ZNF587B: variants seen among roughly 807,000 people sequenced by gnomAD.
The protein encoded by ZNF587B is zinc finger protein 587B.
ZNF587B carries 6 observed loss-of-function variants against 7.2 expected under a neutral mutation model. The observed-to-expected ratio is 0.83, with a 90% CI of 0.46 to 1.65. The LOEUF is 1.65. Ranked by LOEUF, ZNF587B falls within the 40% of genes most tolerant of loss-of-function variation. The probability of loss-of-function intolerance (pLI) is 0.01; values close to 1 mark genes in which losing one functional copy is unlikely to be tolerated. For synonymous variants in ZNF587B, 274 were observed against 254.3 expected, an observed-to-expected ratio of 1.08 and a Z score of -0.74; for missense variants, 749 against 761.0, an observed-to-expected ratio of 0.98 and a Z score of 0.19.
At chr19:57,838,861 T>C (rs1988732425) in intron 1 of ZNF587B, among the ~76,000 whole-genome samples, 162 bp from the exon 2 acceptor site, 1 of 152,184 alleles carries the variant, frequency 6.6e-6, no homozygotes, top group African/African-American at 2.4e-5. Context: ...TTTGTTCAAC[T>C]AACTATTGTT....
At chr19:57,837,964 C>G (rs1302393363) in intron 1 of ZNF587B, among the ~76,000 whole-genome samples, 1 of 152,004 alleles carries the variant, frequency 6.6e-6, no homozygotes, top group Non-Finnish European at 1.5e-5. Flanking sequence ...AAATGTAACC[C>G]TAGGGGGAGA....
At position 57,843,433 on chromosome 19, in the gene ZNF587B, T is replaced by A; in HGVS notation, c.*857T>A. ...TTGCTAGACTTATGTGACTGCCACT[T>A]ATCTGGCAAAAGCCATTACATCTCA... On this transcript the variant is annotated 3_prime_UTR_variant, in exon 3 of 3. Transcript: ENST00000594901. 2 of 985,310 alleles carry A rather than the reference T, an allele frequency of 2.0e-6. No homozygotes were observed. The highest frequency in any genetic ancestry group is 2.4e-6 in the Non-Finnish European group (2 of 829,842). The allele number at this position is 985,310 out of a possible 1,614,324, so 61.0% of individuals were successfully genotyped here.
intron 1 of ZNF587B, among the ~76,000 whole-genome samples, chr19:57,832,339 C>G (rs1988446749): frequency 6.6e-6 from 1 of 152,354 alleles, no homozygotes. Context: ...CCCGCCTTGG[C>G]CTCCCAAAGT....
intron 1 of ZNF587B, among the ~76,000 whole-genome samples, chr19:57,836,561 G>A (rs1409271441): frequency 2.0e-5 from 3 of 151,816 alleles, no homozygotes; most frequent in Admixed American, 6.6e-5. Context: ...TTGCCTTGTC[G>A]TCCAGGCTGT....
In ZNF587B at chr19:57,841,257, G is replaced by A. The variant is rs1389556305; in HGVS notation, c.583G>A (p.Glu195Lys). ...LLQQEASHTG[E>K]KSNSKTECVS... ...CCAGCAGGAGGCCAGTCACACTGGG[G>A]AGAAGTCAAACAGCAAAACTGAGTG... The change falls in exon 3 of 3, where the codon GAG becomes AAG. Residue 195 changes from glutamate to lysine, a missense_variant. By Grantham distance (56) the Glu-to-Lys change is moderately conservative. Coordinates refer to ENST00000594901, the MANE Select transcript of ZNF587B (RefSeq NM_001376223.1). 6.2e-7 allele frequency: 1 copy of A among 1,613,876 alleles called. No individual in the cohort carries two copies. Among genetic ancestry groups the A allele is most frequent in the Non-Finnish European group, 8.5e-7 (1 of 1,179,918 alleles).
intron 1 of ZNF587B, among the ~76,000 whole-genome samples, chr19:57,831,036 A>G (rs1298468970): frequency 1.3e-5 from 2 of 152,198 alleles, no homozygotes; most frequent in Non-Finnish European, 2.9e-5. Flanking sequence ...TTAGAAGGTG[A>G]TAGATGGGGG....
In ZNF587B at chr19:57,842,887, T is replaced by C. The variant is rs1988912374; in HGVS notation, c.*311T>C. On this transcript the variant is annotated 3_prime_UTR_variant, in exon 3 of 3. Coordinates refer to ENST00000594901, the MANE Select transcript of ZNF587B (RefSeq NM_001376223.1). ...GAGCTGTCACTACGGAAATGCCTTT[T>C]GAATGTAATGTTTGCAAAAAAGCAC... is the stretch of plus-strand genomic sequence containing the variant. The C allele has an allele frequency of 1.0e-6, 1 of 985,320 alleles. No individual in the cohort carries two copies. The highest frequency in any genetic ancestry group is 1.7e-5 in the African/African-American group (1 of 57,234). The allele number at this position is 985,320 out of a possible 1,614,324, so 61.0% of individuals were successfully genotyped here. A position where few individuals can be genotyped will look rare whatever the true frequency, so the allele number is the denominator to read the frequency against.
rs569764021 is a variant in ZNF587B, at chr19:57,838,676, G to C, written c.37-347G>C. Among the ~76,000 whole-genome samples, 135 of 152,294 alleles carry C rather than the reference G, an allele frequency of 8.9e-4. 1 individual carries two copies. Among genetic ancestry groups the C allele is most frequent in the African/African-American group, 2.7e-3 (112 of 41,564 alleles). On this transcript the variant is annotated intron_variant, in intron 1 of 2. Transcript: ENST00000594901. ...AGAGGCCAGTGGTGTGTGGCAGTCA[G>C]CTGGGGATGGACATGGAATGTACCT...
Position 57,830,428 on chromosome 19 carries a change from C to A in ZNF587B, c.-101C>A. ...GCGACTCTGGAGCTCTGTGACGGCG[C>A]CAAGCGTGACCCACCCCTGGGCCAG... On this transcript the variant is annotated 5_prime_UTR_variant, in exon 1 of 3. Transcript: ENST00000594901. 1 of 1,341,702 alleles carries A rather than the reference C, an allele frequency of 7.5e-7. No individual in the cohort carries two copies. Among genetic ancestry groups the A allele is most frequent in the Non-Finnish European group, 1.0e-6 (1 of 970,576 alleles). The allele number at this position is 1,341,702 out of a possible 1,614,324, so 83.1% of individuals were successfully genotyped here.
At chr19:57,838,438 TA>T (rs1282184334) in intron 1 of ZNF587B, among the ~76,000 whole-genome samples, 2 of 151,876 alleles carry the variant, frequency 1.3e-5, no homozygotes, top group Non-Finnish European at 2.9e-5. Context: ...CCGTCTCTAC[TA>T]AAAATATAAA....
In ZNF587B at chr19:57,843,568, T is replaced by G. The variant is rs1988940223; in HGVS notation, c.*992T>G. The G allele has an allele frequency of 1.1e-6, 1 of 929,434 alleles. No homozygotes were observed. The highest frequency in any genetic ancestry group is 1.3e-6 in the Non-Finnish European group (1 of 790,268). The allele number at this position is 929,434 out of a possible 1,614,324, so 57.6% of individuals were successfully genotyped here. A position where few individuals can be genotyped will look rare whatever the true frequency, so the allele number is the denominator to read the frequency against. The stretch of plus-strand genomic sequence containing the variant: ...TTTTTTTTTTAAGTTTTTTGTTTGG[T>G]TGGTTGGTTGGTTGGTTGGTTGTTT... On this transcript the variant is annotated 3_prime_UTR_variant, in exon 3 of 3. Coordinates refer to ENST00000594901, the MANE Select transcript of ZNF587B (RefSeq NM_001376223.1).
intron 1 of ZNF587B, among the ~76,000 whole-genome samples, chr19:57,837,193 T>C (rs866534926): frequency 1.3e-5 from 2 of 151,934 alleles, no homozygotes; most frequent in South Asian, 4.1e-4. Flanking sequence ...TTATCCACAA[T>C]CCAACCCCCA....
intron 1 of ZNF587B, among the ~76,000 whole-genome samples, chr19:57,835,313 G>A (rs934089048): frequency 8.2e-6 from 1 of 121,812 alleles, no homozygotes; most frequent in African/African-American, 3.2e-5. Context: ...GGTCGGTAAG[G>A]ACATGCAAGA....
rs540864550 is a variant in ZNF587B at position 57,837,639 on chromosome 19, G to A, written c.37-1384G>A. The stretch of plus-strand genomic sequence containing the variant: ...AATTTTTTGTATTTTTAGTAGAGAC[G>A]GGGTTTCACCGTGTTAGGCAGGATG... On this transcript the variant is annotated intron_variant, in intron 1 of 2. Transcript: ENST00000594901. Among the ~76,000 whole-genome samples, 247 of 152,080 alleles carry A rather than the reference G, an allele frequency of 1.6e-3. 1 individual carries two copies. The highest frequency in any genetic ancestry group is 5.8e-3 in the African/African-American group (239 of 41,510).
chr19:57,841,595 T>C lies in ZNF587B; in HGVS notation c.921T>C (p.Phe307=). Reference sequence around the variant, plus strand: ...GGTGTGAAGAATGTGGGAAATATTTTAGCTTAGAAGGATATCTTAGGCGCC... The same window carrying C: ...GGTGTGAAGAATGTGGGAAATATTTCAGCTTAGAAGGATATCTTAGGCGCC... ...PYGCEECGKY[F]SLEGYLRRHQ... is the part of the protein sequence containing the mutation. Residue 307 remains phenylalanine (F), a synonymous_variant, in exon 3 of 3, where the codon TTT becomes TTC. Coordinates refer to ENST00000594901, the MANE Select transcript of ZNF587B (RefSeq NM_001376223.1). The C allele has an allele frequency of 6.3e-7, 1 of 1,577,826 alleles. No individual in the cohort carries two copies. Among genetic ancestry groups the C allele is most frequent in the Non-Finnish European group, 8.6e-7 (1 of 1,161,580 alleles).
intron 1 of ZNF587B, among the ~76,000 whole-genome samples, chr19:57,836,573 C>G (rs768820714): frequency 6.6e-6 from 1 of 152,068 alleles, no homozygotes; most frequent in African/African-American, 2.4e-5. Context: ...CCAGGCTGTT[C>G]TTGAACTCCT....
chr19:57,840,705 A>C (rs2562051), intron 2 of ZNF587B, 133 bp from the exon 3 acceptor site: 1 of 1,577,096 alleles, frequency 6.3e-7, no homozygotes, highest in South Asian at 1.1e-5. Context: ...ACCATCTTCC[A>C]TCTGAAGCCA....
In ZNF587B at chr19:57,830,500, C is replaced by G; in HGVS notation, c.-29C>G. On this transcript the variant is annotated 5_prime_UTR_variant, in exon 1 of 3. Coordinates refer to ENST00000594901, the MANE Select transcript of ZNF587B (RefSeq NM_001376223.1). ...ATCTCCTGGCTGGTCACCCTCTCCT[C>G]CCAACCCTGCTTTAAACCACGTGGT... 2 of 1,548,616 alleles carry G rather than the reference C, an allele frequency of 1.3e-6. No individual in the cohort carries two copies. Among genetic ancestry groups the G allele is most frequent in the Non-Finnish European group, 8.7e-7 (1 of 1,146,982 alleles).
At position 57,830,563 on chromosome 19, in the gene ZNF587B, A is replaced by T. The variant is rs778776135; in HGVS notation, c.35A>T (p.Gln12Leu). ...GTGGCCACGCTGAGGCTCTCTGCTCAGGTAATTGTGGTGCCTTCCATGCCC... is the reference window on the plus strand; with the variant it reads ...GTGGCCACGCTGAGGCTCTCTGCTCTGGTAATTGTGGTGCCTTCCATGCCC... ...AVVATLRLSAQGTVTFEDVAV... is the reference protein window; with the variant it reads ...AVVATLRLSALGTVTFEDVAV... Residue 12 changes from glutamine (Q) to leucine (L), a missense_variant and splice_region_variant, in exon 1 of 3, where the codon CAG becomes CTG. By Grantham distance (113) the Gln-to-Leu change is moderately radical. This residue lies in a region of ZNF587B where 21 missense variants were observed against 16.7 expected (regional missense o/e 1.25). Transcript: ENST00000594901. 1.9e-6 allele frequency: 3 copies of T among 1,550,198 alleles called. No homozygotes were observed. Among genetic ancestry groups the T allele is most frequent in the African/African-American group, 2.7e-5 (2 of 73,108 alleles).
Sources: gnomAD v4.1 joint callset for allele counts (sites outside exome capture counted in the v4.1 genomes callset) on GRCh38, gnomAD v4.1.1 for gene constraint, gnomAD v4.1.1 regional missense constraint, MANE v1.5 for transcripts, NCBI Gene and HGNC (gene_info 2026-07-23, HGNC 2026-07-21) for gene names.